The following DMD variants were observed in gnomAD, a reference collection of about 807,000 sequenced individuals.
DMD encodes the protein mutant dystrophin.
DMD carries 63 observed loss-of-function variants against 330.1 expected under a neutral mutation model. That is an observed-to-expected ratio of 0.19 (90% CI 0.16 to 0.24). DMD has a LOEUF of 0.24. DMD is among the 10% of genes least tolerant of loss of function. The pLI is 1.00. For missense variants in DMD, 3,344 were observed against 2,684.1 expected, an observed-to-expected ratio of 1.25 and a Z score of -5.43; for synonymous variants, 1,223 against 959.8, an observed-to-expected ratio of 1.27 and a Z score of -5.07.
chrX:32,169,015 C>T (rs915741641), intron 44 of DMD, among the ~76,000 whole-genome samples: 1 of 111,910 alleles, frequency 8.9e-6, no homozygotes, highest in Non-Finnish European at 1.9e-5. Context: ...GTTGATCTGT[C>T]CTTGATTGTC....
chrX:31,617,002 T>G (rs1293929165), intron 55 of DMD, among the ~76,000 whole-genome samples: 1 of 111,657 alleles, frequency 9.0e-6, no homozygotes, highest in African/African-American at 3.3e-5. Flanking sequence ...AAAAATGGCC[T>G]ATTTGGGTCA....
At chrX:32,276,220 G>A (rs1014060668) in intron 43 of DMD, among the ~76,000 whole-genome samples, 1 of 112,632 alleles carries the variant, frequency 8.9e-6, no homozygotes, top group African/African-American at 3.2e-5. Flanking sequence ...CCAGCAGTCA[G>A]AACTCAAGTT....
chrX:32,777,372 T>A (rs2074284959), intron 7 of DMD, among the ~76,000 whole-genome samples: 1 of 106,815 alleles, frequency 9.4e-6, no homozygotes, highest in Non-Finnish European at 1.9e-5. Flanking sequence ...TAATGGCAGT[T>A]ATTACTTTGT....
At chrX:31,440,854 C>T (rs1569542465) in intron 60 of DMD, among the ~76,000 whole-genome samples, 1 of 112,321 alleles carries the variant, frequency 8.9e-6, no homozygotes, top group Non-Finnish European at 1.9e-5. Flanking sequence ...TCTTACATTT[C>T]TATTAGAAGA....
chrX:31,120,912 A>C lies in DMD; in HGVS notation c.*1007T>G, dbSNP rs1023633236. 6.3e-5 allele frequency: 7 copies of C among 111,273 alleles called. No individual in the cohort carries two copies. Among genetic ancestry groups the C allele is most frequent in the African/African-American group, 2.3e-4 (7 of 30,110 alleles). 9.2% of individuals were successfully genotyped at this position (111,273 alleles called of 1,213,427 possible). A position where few individuals can be genotyped will look rare whatever the true frequency, so the allele number is the denominator to read the frequency against. ...ACCAACCAACCGATTACTCACTCTG[A>C]TATAATAAGTCCTGTGTATTCATTC... On this transcript the variant is annotated 3_prime_UTR_variant, in exon 79 of 79. Transcript: ENST00000357033.
intron 1 of DMD, among the ~76,000 whole-genome samples, chrX:33,235,978 C>T (rs1467423685): frequency 1.9e-5 from 2 of 104,892 alleles, no homozygotes; most frequent in South Asian, 4.4e-4. Context: ...TGCAGTGGCG[C>T]GATCTCGGCT....
intron 21 of DMD, among the ~76,000 whole-genome samples, chrX:32,478,870 C>T (rs1034150068): frequency 9.0e-6 from 1 of 110,923 alleles, no homozygotes; most frequent in Non-Finnish European, 1.9e-5. Context: ...TCTAAGATCA[C>T]CATAGAATTT....
chrX:31,131,126 G>A (rs1009747371), intron 77 of DMD, among the ~76,000 whole-genome samples: 2 of 111,434 alleles, frequency 1.8e-5, no homozygotes, highest in Admixed American at 1.9e-4. Flanking sequence ...AAACTATAAA[G>A]GTCTCTGAGA....
At position 32,346,021 on chromosome X, in the gene DMD, T is replaced by C; in HGVS notation, c.5508A>G (p.Gln1836=). ...ELLQRGDNLQ[Q]RITDERKREE... ...CTCGCTTTCTCTCATCTGTGATTCT[T>C]TGTTGTAAGTTGTCTCCTCTTTGCA... The change falls in exon 39 of 79, where the codon CAA becomes CAG. Residue 1836 remains glutamine (Q), a synonymous_variant. Transcript: ENST00000357033. The C allele has an allele frequency of 8.3e-7, 1 of 1,209,645 alleles. No homozygotes were observed. Among genetic ancestry groups the C allele is most frequent in the Non-Finnish European group, 1.1e-6 (1 of 894,005 alleles).
At chrX:31,462,551 C>T (rs926666971) in intron 59 of DMD, among the ~76,000 whole-genome samples, 1 of 111,692 alleles carries the variant, frequency 9.0e-6, no homozygotes, top group Non-Finnish European at 1.9e-5. Context: ...CTGGATCAGA[C>T]ACAATGTGAG....
chrX:32,964,700 T>G (rs1373998331), intron 2 of DMD, among the ~76,000 whole-genome samples: 1 of 111,662 alleles, frequency 9.0e-6, no homozygotes, highest in Non-Finnish European at 1.9e-5. Flanking sequence ...AGAGCAAGAC[T>G]CTGTCTCAAA....
chrX:33,217,693 G>T (rs149126830), intron 1 of DMD, among the ~76,000 whole-genome samples: 110 of 111,699 alleles, frequency 9.8e-4, no homozygotes, highest in African/African-American at 3.4e-3. Context: ...GTTACATATA[G>T]ATACGATGTT....
At chrX:32,691,523 G>T (rs921183771) in intron 9 of DMD, among the ~76,000 whole-genome samples, 3 of 111,326 alleles carry the variant, frequency 2.7e-5, no homozygotes, top group Non-Finnish European at 5.7e-5. Flanking sequence ...GATTAGTAAG[G>T]ATGTGGAATA....
intron 19 of DMD, among the ~76,000 whole-genome samples, chrX:32,494,600 A>G (rs868035502): frequency 9.0e-6 from 1 of 111,336 alleles, no homozygotes; most frequent in Non-Finnish European, 1.9e-5. Flanking sequence ...CTGAGTTAAC[A>G]TATATAACTT....
At chrX:33,243,489 G>A (rs2052619889) in intron 1 of DMD, among the ~76,000 whole-genome samples, 1 of 111,606 alleles carries the variant, frequency 9.0e-6, no homozygotes, top group South Asian at 3.7e-4. Context: ...AAATAGAATG[G>A]AGATTTCTCT....
rs1379237787 is a variant in DMD, at chrX:32,441,276, C to T, written c.3825G>A (p.Leu1275=). The T allele has an allele frequency of 8.3e-7, 1 of 1,208,271 alleles. No homozygotes were observed. Among genetic ancestry groups the T allele is most frequent in the Non-Finnish European group, 1.1e-6 (1 of 892,792 alleles). Residue 1275 remains leucine, a synonymous_variant, in exon 28 of 79, where the codon TTG becomes TTA. Transcript: ENST00000357033. ...WACWHELLSY[L]EKANKWLNEV... Reference sequence around the variant, plus strand: ...CATTTAGCCACTTGTTTGCTTTCTCCAAGTATGACAATAACTCATGCCAAC... The same window carrying T: ...CATTTAGCCACTTGTTTGCTTTCTCTAAGTATGACAATAACTCATGCCAAC...
chrX:32,573,961 G>T, intron 13 of DMD, 115 bp from the exon 14 acceptor site: 1 of 571,905 alleles, frequency 1.7e-6, no homozygotes, highest in South Asian at 2.5e-5. Context: ...GCTAGAAGTT[G>T]GAAGGGACAC....
chrX:31,832,224 G>C (rs1009830157), intron 49 of DMD, among the ~76,000 whole-genome samples: 1 of 111,999 alleles, frequency 8.9e-6, no homozygotes, highest in Admixed American at 9.5e-5. Context: ...GCAACATTTC[G>C]ACCAATGAAA....
At chrX:31,578,283 G>A (rs961425186) in intron 55 of DMD, among the ~76,000 whole-genome samples, 2 of 111,676 alleles carry the variant, frequency 1.8e-5, no homozygotes, top group Non-Finnish European at 3.8e-5. Flanking sequence ...TCACAGATGC[G>A]GAGATTGATG....
Sources: allele counts gnomAD v4.1 joint callset (sites outside exome capture counted in the v4.1 genomes callset), GRCh38; gene constraint gnomAD v4.1.1; transcripts MANE v1.5; gene names NCBI Gene and HGNC (gene_info 2026-07-23, HGNC 2026-07-21).